DAB1: variants seen among roughly 807,000 people sequenced by gnomAD.
The protein encoded by DAB1 is disabled homolog 1.
In DAB1, 15 loss-of-function variants were observed where a neutral mutation model predicts 64.6. That is an observed-to-expected ratio of 0.23 (90% CI 0.16 to 0.36). The LOEUF is 0.36. Among genes scored for constraint, DAB1 ranks in the 10% least tolerant of loss-of-function variants. The probability of loss-of-function intolerance (pLI) is 1.00; values close to 1 mark genes in which losing one functional copy is unlikely to be tolerated. For synonymous variants in DAB1, 235 were observed against 251.9 expected (o/e 0.93, Z 0.64); for missense variants, 596 against 706.7 (o/e 0.84, Z 1.78).
chr1:58,341,908 A>G (rs1643942120), intron 4 of DAB1, among the ~76,000 whole-genome samples: 1 of 152,230 alleles, frequency 6.6e-6, no homozygotes, highest in African/African-American at 2.4e-5. Context: ...AGAACACAGT[A>G]GGGTCTACAT....
At chr1:57,655,214 CAACT>C (rs1325970549) in intron 6 of DAB1, among the ~76,000 whole-genome samples, 1 of 152,182 alleles carries the variant, frequency 6.6e-6, no homozygotes, top group East Asian at 1.9e-4. Flanking sequence ...ATCCATCAAC[CAACT>C]ATCTACATAT....
At chr1:58,369,292 C>A (rs918872500) in intron 3 of DAB1, among the ~76,000 whole-genome samples, 2 of 152,194 alleles carry the variant, frequency 1.3e-5, no homozygotes, top group African/African-American at 4.8e-5. Context: ...ATTTGTCTCG[C>A]CGTTTCCTTC....
At chr1:57,621,068 T>C (rs1481918357) in intron 7 of DAB1, among the ~76,000 whole-genome samples, 1 of 151,770 alleles carries the variant, frequency 6.6e-6, no homozygotes, top group African/African-American at 2.4e-5. Flanking sequence ...TAAGCTTGTG[T>C]GCCTGTTTGT....
intron 5 of DAB1, among the ~76,000 whole-genome samples, chr1:58,055,131 C>T (rs1324601923): frequency 6.6e-6 from 1 of 152,210 alleles, no homozygotes; most frequent in Non-Finnish European, 1.5e-5. Flanking sequence ...GAGCAATGTT[C>T]ATGTGGGACA....
At chr1:57,562,265 T>TGGGA (rs1360778035) in intron 7 of DAB1, among the ~76,000 whole-genome samples, 14 of 152,132 alleles carry the variant, frequency 9.2e-5, no homozygotes, top group Admixed American at 9.2e-4. Flanking sequence ...CCCAGCTACT[T>TGGGA]GGGAGGCTGA....
chr1:57,090,738 C>T (rs1653576236), intron 4 of DAB1, among the ~76,000 whole-genome samples: 1 of 152,128 alleles, frequency 6.6e-6, no homozygotes, highest in Non-Finnish European at 1.5e-5. Context: ...TAAGTGTCCT[C>T]TAATTGAAGT....
intron 2 of DAB1, among the ~76,000 whole-genome samples, chr1:57,216,078 A>G (rs1666405251): frequency 1.3e-5 from 2 of 151,986 alleles, no homozygotes; most frequent in Admixed American, 1.3e-4. Flanking sequence ...CTTTCTACAC[A>G]TTAATACTGT....
chr1:57,629,117 T>C (rs2101625844), intron 7 of DAB1, among the ~76,000 whole-genome samples: 1 of 152,310 alleles, frequency 6.6e-6, no homozygotes, highest in East Asian at 1.9e-4. Flanking sequence ...TATAAGTAAT[T>C]AAATCTTCAG....
At chr1:57,882,339 C>T (rs533765840) in intron 1 of DAB1, among the ~76,000 whole-genome samples, 3 of 152,192 alleles carry the variant, frequency 2.0e-5, no homozygotes, top group East Asian at 1.9e-4. Flanking sequence ...AATGACAGTA[C>T]GAACATCAGA....
intron 4 of DAB1, among the ~76,000 whole-genome samples, chr1:58,335,762 GAGAC>G (rs1164782400): frequency 6.6e-6 from 1 of 152,188 alleles, no homozygotes; most frequent in East Asian, 1.9e-4. Flanking sequence ...GCGTGAAAAA[GAGAC>G]AGAGGTCATG....
chr1:57,748,857 T>A (rs1648413556), intron 6 of DAB1, among the ~76,000 whole-genome samples: 1 of 152,352 alleles, frequency 6.6e-6, no homozygotes, highest in South Asian at 2.1e-4. Context: ...TGAATGGAAA[T>A]CTTTTCATGC....
chr1:57,477,395 A>T (rs1354520514), intron 7 of DAB1, among the ~76,000 whole-genome samples: 2 of 152,012 alleles, frequency 1.3e-5, no homozygotes, highest in East Asian at 3.9e-4. Flanking sequence ...ATTCTATTTC[A>T]TTCTAATTTT....
intron 4 of DAB1, among the ~76,000 whole-genome samples, chr1:58,239,029 CATG>C (rs1393710152): frequency 6.6e-6 from 1 of 152,140 alleles, no homozygotes; most frequent in Non-Finnish European, 1.5e-5. Flanking sequence ...CCAGCAATAC[CATG>C]ATATGATTGG....
intron 3 of DAB1, among the ~76,000 whole-genome samples, chr1:58,501,404 G>A (rs975027155): frequency 4.5e-4 from 68 of 152,090 alleles, no homozygotes; most frequent in Admixed American, 3.9e-3. Flanking sequence ...TCAAACATAA[G>A]TGACCTTGTC....
rs1039478922 is a variant in DAB1, at chr1:57,117,116, G to C, written c.306+19427C>G. Among the ~76,000 whole-genome samples, 5 of 152,140 alleles carry C rather than the reference G, an allele frequency of 3.3e-5. No homozygotes were observed. In the East Asian group the frequency reaches 9.6e-4, roughly 29 times the overall value. On this transcript the variant is annotated intron_variant, in intron 4 of 14. Transcript: ENST00000371236. Reference sequence around the variant, plus strand: ...GCTCTCCAATTCTCTCTCCAATTAAGATACAGAATTGGTGAGAAGAGTAAT... The same window carrying C: ...GCTCTCCAATTCTCTCTCCAATTAACATACAGAATTGGTGAGAAGAGTAAT...
intron 3 of DAB1, among the ~76,000 whole-genome samples, chr1:58,407,341 G>A (rs968620520): frequency 6.6e-6 from 1 of 152,120 alleles, no homozygotes; most frequent in African/African-American, 2.4e-5. Context: ...ATGATGATGG[G>A]GACTTGGTCT....
intron 5 of DAB1, among the ~76,000 whole-genome samples, chr1:57,953,736 G>A (rs953073420): frequency 6.6e-6 from 1 of 152,218 alleles, no homozygotes; most frequent in Non-Finnish European, 1.5e-5. Flanking sequence ...GTGCTAGCAT[G>A]AAACAGGCAG....
At chr1:57,604,236 G>A (rs1449186254) in intron 7 of DAB1, among the ~76,000 whole-genome samples, 93 of 152,190 alleles carry the variant, frequency 6.1e-4, no homozygotes, top group Non-Finnish European at 1.9e-4. Context: ...CCTGATGCAA[G>A]TTGCTTCTAG....
chr1:57,399,893 G>T (rs1436037483), intron 1 of DAB1, among the ~76,000 whole-genome samples: 1 of 152,176 alleles, frequency 6.6e-6, no homozygotes, highest in Non-Finnish European at 1.5e-5. Context: ...TAAATCTAAG[G>T]CATTGGGAGC....
Sources: gnomAD v4.1 joint callset for allele counts (sites outside exome capture counted in the v4.1 genomes callset) on GRCh38, gnomAD v4.1.1 for gene constraint, MANE v1.5 for transcripts, NCBI Gene and HGNC (gene_info 2026-07-23, HGNC 2026-07-21) for gene names.